The following VWC2L variants were observed in gnomAD, a reference collection of about 807,000 sequenced individuals.
VWC2L encodes the protein von Willebrand factor C domain-containing protein 2-like.
In VWC2L, 10 loss-of-function variants were observed where a neutral mutation model predicts 21.6. The observed-to-expected ratio is 0.46, with a 90% CI of 0.29 to 0.78. The LOEUF (loss-of-function observed/expected upper bound fraction) is 0.78, where lower values mean the gene tolerates loss of function less well. VWC2L is among the 30% of genes least tolerant of loss of function. The pLI, the probability that VWC2L is intolerant of heterozygous loss-of-function variation, is 0.10. For missense variants in VWC2L, 209 were observed against 277.1 expected, an observed-to-expected ratio of 0.75 and a Z score of 1.74; for synonymous variants, 96 against 94.3, an observed-to-expected ratio of 1.02 and a Z score of -0.10.
At position 214,575,919 on chromosome 2, in the gene VWC2L, CT is replaced by C; in HGVS notation, c.*100del. 8.6e-6 allele frequency: 12 copies of C among 1,390,730 alleles called. No individual in the cohort carries two copies. Among genetic ancestry groups the C allele is most frequent in the Non-Finnish European group, 1.2e-5 (12 of 1,031,510 alleles). 86.1% of individuals were successfully genotyped at this position (1,390,730 alleles called of 1,614,324 possible). A position where few individuals can be genotyped will look rare whatever the true frequency, so the allele number is the denominator to read the frequency against. ...AACAAAACAAACAAACTCCTGCCAG[CT>C]ACAACAGGGTCACCAGCAAAACTTT... On this transcript the variant is annotated 3_prime_UTR_variant, in exon 4 of 4. Coordinates refer to ENST00000312504, the MANE Select transcript of VWC2L (RefSeq NM_001080500.4).
At chr2:214,478,579 A>T (rs1481344126) in intron 3 of VWC2L, among the ~76,000 whole-genome samples, 1 of 152,182 alleles carries the variant, frequency 6.6e-6, no homozygotes, top group Non-Finnish European at 1.5e-5. Flanking sequence ...GCAAAACCCA[A>T]AGTCACTGCT....
At chr2:214,424,237 T>A (rs946243685) in intron 2 of VWC2L, among the ~76,000 whole-genome samples, 1 of 152,190 alleles carries the variant, frequency 6.6e-6, no homozygotes, top group African/African-American at 2.4e-5. Flanking sequence ...AATGCTAGCA[T>A]CCTGTGTGAT....
At chr2:214,423,469 C>T (rs114607682) in intron 2 of VWC2L, among the ~76,000 whole-genome samples, 1,630 of 152,138 alleles carry the variant, frequency 0.011, 30 homozygotes, top group African/African-American at 0.037. Context: ...TATTTTACTA[C>T]CTTCAGGTTT....
chr2:214,467,817 TTAGA>T (rs1703241979), intron 3 of VWC2L, among the ~76,000 whole-genome samples: 1 of 152,114 alleles, frequency 6.6e-6, no homozygotes, highest in Admixed American at 6.5e-5. Flanking sequence ...CTTAGCCATA[TTAGA>T]TAATTTACAT....
chr2:214,476,861 A>G (rs1023160135), intron 3 of VWC2L, among the ~76,000 whole-genome samples: 5 of 152,162 alleles, frequency 3.3e-5, no homozygotes, highest in Non-Finnish European at 7.3e-5. Flanking sequence ...TCAGGAAGAA[A>G]AGCTGAACTT....
At chr2:214,563,706 A>G (rs1325146049) in intron 3 of VWC2L, among the ~76,000 whole-genome samples, 1 of 152,130 alleles carries the variant, frequency 6.6e-6, no homozygotes, top group Non-Finnish European at 1.5e-5. Context: ...AATAAAAGCC[A>G]TTTATGACAA....
At chr2:214,479,747 T>C (rs962157016) in intron 3 of VWC2L, among the ~76,000 whole-genome samples, 4 of 152,290 alleles carry the variant, frequency 2.6e-5, no homozygotes, top group Admixed American at 2.6e-4. Flanking sequence ...GCTGAGATCG[T>C]GCCATTGCCC....
At chr2:214,533,676 C>G (rs1207014892) in intron 3 of VWC2L, among the ~76,000 whole-genome samples, 1 of 152,064 alleles carries the variant, frequency 6.6e-6, no homozygotes, top group Non-Finnish European at 1.5e-5. Context: ...AGAGTAAAAC[C>G]ACATGGAATT....
At chr2:214,440,387 T>G (rs901985197) in intron 3 of VWC2L, among the ~76,000 whole-genome samples, 1 of 152,066 alleles carries the variant, frequency 6.6e-6, no homozygotes, top group Non-Finnish European at 1.5e-5. Context: ...CTGAAAAATA[T>G]GACATTTTCA....
At chr2:214,497,505 T>C (rs1688829010) in intron 3 of VWC2L, among the ~76,000 whole-genome samples, 1 of 152,222 alleles carries the variant, frequency 6.6e-6, no homozygotes, top group Non-Finnish European at 1.5e-5. Flanking sequence ...ACAAGTATTA[T>C]ACTCATTGCT....
chr2:214,420,297 A>G (rs1167058377), intron 2 of VWC2L, among the ~76,000 whole-genome samples: 3 of 152,158 alleles, frequency 2.0e-5, no homozygotes, highest in Non-Finnish European at 4.4e-5. Context: ...GGTTTGGGAG[A>G]GTCATTTGAC....
chr2:214,558,420 A>T (rs1352150343), intron 3 of VWC2L, among the ~76,000 whole-genome samples: 4 of 152,172 alleles, frequency 2.6e-5, no homozygotes, highest in Non-Finnish European at 5.9e-5. Flanking sequence ...TATCAATTCA[A>T]ACTTTCTAAC....
intron 2 of VWC2L, among the ~76,000 whole-genome samples, chr2:214,425,539 C>T (rs1029123511): frequency 1.3e-5 from 2 of 151,964 alleles, no homozygotes; most frequent in African/African-American, 4.8e-5. Flanking sequence ...TTTTATATCC[C>T]ATGTGTTCTC....
At chr2:214,556,759 A>G (rs1689878824) in intron 3 of VWC2L, among the ~76,000 whole-genome samples, 1 of 152,216 alleles carries the variant, frequency 6.6e-6, no homozygotes, top group African/African-American at 2.4e-5. Context: ...AGTGATTTCT[A>G]AAATCAACCT....
At chr2:214,494,806 T>A (rs1688790362) in intron 3 of VWC2L, among the ~76,000 whole-genome samples, 1 of 151,680 alleles carries the variant, frequency 6.6e-6, no homozygotes, top group African/African-American at 2.4e-5. Flanking sequence ...TCTAATTTGG[T>A]GTCTTGGGTG....
At chr2:214,558,387 T>C (rs1689908385) in intron 3 of VWC2L, among the ~76,000 whole-genome samples, 1 of 152,198 alleles carries the variant, frequency 6.6e-6, no homozygotes, top group South Asian at 2.1e-4. Flanking sequence ...CCTATTCATC[T>C]CTGCTTAGAT....
At position 214,414,548 on chromosome 2, in the gene VWC2L, C is replaced by T. The variant is rs1702326396; in HGVS notation, c.355C>T (p.His119Tyr). The change falls in exon 2 of 4, where the codon CAC becomes TAC. Residue 119 changes from histidine to tyrosine, a missense_variant. His to Tyr is a moderately conservative substitution (Grantham distance 83, BLOSUM62 2). Transcript: ENST00000312504. ...CKEVKNFCEY[H>Y]GKNYKILEEF... ...AGAAGTAAAAAACTTCTGTGAATAT[C>T]ACGGGAAAAATTACAAAATCTTGGA... The T allele has an allele frequency of 6.2e-7, 1 of 1,612,648 alleles. No individual in the cohort carries two copies. Among genetic ancestry groups the T allele is most frequent in the Non-Finnish European group, 8.5e-7 (1 of 1,179,516 alleles).
At chr2:214,555,271 G>A (rs984198131) in intron 3 of VWC2L, among the ~76,000 whole-genome samples, 3 of 152,248 alleles carry the variant, frequency 2.0e-5, no homozygotes, top group Admixed American at 2.0e-4. Flanking sequence ...CACCTTCTGT[G>A]TATTTGATGT....
intron 3 of VWC2L, among the ~76,000 whole-genome samples, chr2:214,515,549 A>T (rs566097345): frequency 2.0e-5 from 3 of 152,016 alleles, no homozygotes; most frequent in Admixed American, 6.6e-5. Context: ...TTATTTATTT[A>T]TTTTATTTAT....
Sources: gnomAD v4.1 joint callset for allele counts (sites outside exome capture counted in the v4.1 genomes callset) on GRCh38, gnomAD v4.1.1 for gene constraint, MANE v1.5 for transcripts, NCBI Gene and HGNC (gene_info 2026-07-23, HGNC 2026-07-21) for gene names.